NINJ2: variants seen among roughly 807,000 people sequenced by gnomAD.
NINJ2 encodes the protein ninjurin 2.
Under a neutral mutation model 11.7 loss-of-function variants are expected in NINJ2, and 12 were observed. The observed-to-expected ratio is 1.02, with a 90% CI of 0.66 to 1.66. NINJ2 has a LOEUF of 1.66. NINJ2 is among the 40% of genes most tolerant of loss of function. The probability of loss-of-function intolerance (pLI) is 0.00; values close to 1 mark genes in which losing one functional copy is unlikely to be tolerated. For missense variants in NINJ2, 187 were observed against 181.8 expected (o/e 1.03, Z -0.16); for synonymous variants, 93 against 76.8 (o/e 1.21, Z -1.10).
At chr12:567,812 C>T (rs1947322488) in intron 1 of NINJ2, among the ~76,000 whole-genome samples, 1 of 152,138 alleles carries the variant, frequency 6.6e-6, no homozygotes, top group Non-Finnish European at 1.5e-5. Flanking sequence ...TTGAGACTAG[C>T]CTGGCCAACA....
At chr12:612,071 G>A (rs954024242) in intron 1 of NINJ2, among the ~76,000 whole-genome samples, 34 of 152,250 alleles carry the variant, frequency 2.2e-4, no homozygotes, top group African/African-American at 7.7e-4. Flanking sequence ...TTCCCAGGCT[G>A]GAATGTGGAG....
At position 591,072 on chromosome 12, in the gene NINJ2, T is replaced by TTA. The variant is rs1282355142; in HGVS notation, c.34-24895_34-24894insTA. ...TGATCAGAATCCAGGACACTAGCAC[T>TTA]CACTATCAAGGTTATAGGGAGGTGG... On this transcript the variant is annotated intron_variant, in intron 1 of 3. Transcript: ENST00000305108. This position sits in a 1 kb window ranked among gnomAD's most constrained non-coding sequence, Gnocchi z 5.0. 2 of 152,098 alleles carry TTA rather than the reference T, an allele frequency of 1.3e-5. No individual in the cohort carries two copies. Among genetic ancestry groups the TTA allele is most frequent in the African/African-American group, 4.8e-5 (2 of 41,392 alleles). The allele number at this position is 152,098 out of a possible 1,614,324, so 9.4% of individuals were successfully genotyped here.
chr12:655,314 A>G (rs1413635280), intron 1 of NINJ2, among the ~76,000 whole-genome samples: 1 of 152,252 alleles, frequency 6.6e-6, no homozygotes. Context: ...ATTGGGAGTG[A>G]AGAAATAAAA....
rs192656773 is a variant in NINJ2, at chr12:663,226, C to T, written c.33+102G>A. On this transcript the variant is annotated intron_variant, in intron 1 of 3. Coordinates refer to ENST00000305108, the MANE Select transcript of NINJ2 (RefSeq NM_016533.6). ...GAGAAGGGAGTGAGTAAGAAGAGAA[C>T]GGGGAGGGAGAATATCAAGTGACTA... is the stretch of plus-strand genomic sequence containing the variant. The T allele has an allele frequency of 3.1e-5, 33 of 1,048,434 alleles. 1 individual carries two copies. The highest frequency in any genetic ancestry group is 2.1e-4 in the Middle Eastern group (1 of 4,810). The allele number at this position is 1,048,434 out of a possible 1,614,324, so 64.9% of individuals were successfully genotyped here.
At chr12:598,750 A>G (rs1350423658) in intron 1 of NINJ2, among the ~76,000 whole-genome samples, 1 of 152,054 alleles carries the variant, frequency 6.6e-6, no homozygotes, top group Non-Finnish European at 1.5e-5. Context: ...TCCAGGCTGC[A>G]GTTCAGTGGC....
chr12:659,736 C>T (rs1184866397), intron 1 of NINJ2, among the ~76,000 whole-genome samples: 1 of 152,176 alleles, frequency 6.6e-6, no homozygotes, highest in Non-Finnish European at 1.5e-5. Flanking sequence ...TATAGAGGCT[C>T]AAGTTAATGT....
At chr12:656,906 A>C in intron 1 of NINJ2, among the ~76,000 whole-genome samples, 1 of 152,230 alleles carries the variant, frequency 6.6e-6, no homozygotes, top group East Asian at 1.9e-4. Context: ...TAGCAGAGAT[A>C]GTCTTTTCAA....
chr12:652,341 A>C (rs148198243), intron 1 of NINJ2, among the ~76,000 whole-genome samples: 1 of 152,334 alleles, frequency 6.6e-6, no homozygotes, highest in African/African-American at 2.4e-5. Context: ...TCTAAAGGGA[A>C]GGAGAAATAA....
intron 1 of NINJ2, among the ~76,000 whole-genome samples, chr12:659,034 G>A (rs568641916): frequency 1.4e-5 from 2 of 144,650 alleles, no homozygotes; most frequent in Non-Finnish European, 3.0e-5. Flanking sequence ...ATATATAACT[G>A]CTATTATATA....
chr12:653,374 T>C (rs1057423090), intron 1 of NINJ2, among the ~76,000 whole-genome samples: 2 of 152,112 alleles, frequency 1.3e-5, no homozygotes, highest in African/African-American at 4.8e-5. Flanking sequence ...ATATCAACAA[T>C]ATATTTGATT....
At chr12:646,079 C>T (rs1937674829) in intron 1 of NINJ2, among the ~76,000 whole-genome samples, 1 of 152,160 alleles carries the variant, frequency 6.6e-6, no homozygotes, top group Non-Finnish European at 1.5e-5. Flanking sequence ...AGGGACAGCC[C>T]GCTGCCAGCC....
chr12:601,311 C>T (rs185794630), intron 1 of NINJ2, among the ~76,000 whole-genome samples: 5,667 of 152,066 alleles, frequency 0.037, 196 homozygotes, highest in Non-Finnish European at 0.05. Flanking sequence ...CTTTGGGAGG[C>T]TGAGGCGGGC....
At chr12:598,337 C>T (rs1207892685) in intron 1 of NINJ2, among the ~76,000 whole-genome samples, 2 of 152,196 alleles carry the variant, frequency 1.3e-5, no homozygotes, top group African/African-American at 2.4e-5. Flanking sequence ...AGCTCCATTC[C>T]GCCCCCACCC....
In NINJ2 at chr12:565,298, A is replaced by G. The variant is rs1947276922; in HGVS notation, c.366T>C (p.Ile122=). The G allele has an allele frequency of 6.2e-7, 1 of 1,614,200 alleles. No individual in the cohort carries two copies. Among genetic ancestry groups the G allele is most frequent in the East Asian group, 2.2e-5 (1 of 44,882 alleles). ...VFFTVVINVF[I]TAFGAHKTGF... ...CTGTTTTATGTGCCCCGAAGGCTGT[A>G]ATGAAAACATTGATGACCACAGTGA... is the stretch of plus-strand genomic sequence containing the variant. The change falls in exon 3 of 4, where the codon ATT becomes ATC. Residue 122 remains isoleucine (I), a synonymous_variant. Transcript: ENST00000305108.
chr12:611,153 C>T (rs1295248186), intron 1 of NINJ2, among the ~76,000 whole-genome samples: 1 of 152,014 alleles, frequency 6.6e-6, no homozygotes. Context: ...AACCCCAGGC[C>T]TGCCTGCCTT....
intron 1 of NINJ2, among the ~76,000 whole-genome samples, chr12:659,247 C>T (rs1937924664): frequency 6.6e-6 from 1 of 151,892 alleles, no homozygotes; most frequent in African/African-American, 2.4e-5. Flanking sequence ...AATTTGCATT[C>T]GGTTTGGACA....
chr12:604,302 T>C (rs1947909334), intron 1 of NINJ2, among the ~76,000 whole-genome samples: 1 of 152,042 alleles, frequency 6.6e-6, no homozygotes, highest in African/African-American at 2.4e-5. Context: ...AGGAAATAAG[T>C]AGAACGAGGA....
chr12:610,219 G>A (rs75785593), intron 1 of NINJ2: 48,626 of 782,936 alleles, frequency 0.062, 1,924 homozygotes, highest in South Asian at 0.14. Context: ...ACACCCAGCA[G>A]ACACAGAATC....
chr12:645,783 T>A (rs1244848178), intron 1 of NINJ2: 1 of 152,236 alleles, frequency 6.6e-6, no homozygotes, highest in Non-Finnish European at 1.5e-5. Context: ...TCCATTTACC[T>A]TCTTCTCCAA....
Sources: gnomAD v4.1 joint callset for allele counts (sites outside exome capture counted in the v4.1 genomes callset) on GRCh38, gnomAD v4.1.1 for gene constraint, Gnocchi (gnomAD v3.1) non-coding constraint, MANE v1.5 for transcripts, NCBI Gene and HGNC (gene_info 2026-07-23, HGNC 2026-07-21) for gene names.